TRABD2B: variants seen among roughly 807,000 people sequenced by gnomAD.
TRABD2B encodes metalloprotease TIKI2.
In TRABD2B, 14 loss-of-function variants were observed where a neutral mutation model predicts 40.1. That is an observed-to-expected ratio of 0.35 (90% confidence interval 0.23 to 0.55). The LOEUF (loss-of-function observed/expected upper bound fraction) is 0.55, where lower values mean the gene tolerates loss of function less well. TRABD2B is among the 20% of genes least tolerant of loss of function. The pLI is 0.90. For missense variants in TRABD2B, 541 were observed against 648.6 expected (o/e 0.83, Z 1.80); for synonymous variants, 263 against 277.0 (o/e 0.95, Z 0.50).
In TRABD2B at chr1:47,971,747, C is replaced by T. The variant is rs113030619; in HGVS notation, c.666+22287G>A. ...ACAGCCTCAAACAATGAGGTTTCCA[C>T]CAAAGACTTCCCATTCACCCAGAAA... On this transcript the variant is annotated intron_variant, in intron 2 of 6. Coordinates refer to ENST00000606738, the MANE Select transcript of TRABD2B (RefSeq NM_001194986.2). Among the ~76,000 whole-genome samples the T allele has an allele frequency of 8.4e-3, 1,273 of 152,302 alleles. 31 individuals carry two copies. Among genetic ancestry groups the T allele is most frequent in the African/African-American group, 0.03 (1,231 of 41,544 alleles).
intron 4 of TRABD2B, among the ~76,000 whole-genome samples, chr1:47,786,907 A>AT (rs1328174668): frequency 1.3e-5 from 2 of 151,922 alleles, no homozygotes; most frequent in Non-Finnish European, 2.9e-5. Flanking sequence ...GTCTTGGGAT[A>AT]TTGCCCAGGC....
At chr1:47,788,176 A>G (rs1426772737) in intron 4 of TRABD2B, among the ~76,000 whole-genome samples, 1 of 152,138 alleles carries the variant, frequency 6.6e-6, no homozygotes, top group African/African-American at 2.4e-5. Context: ...ATATAAGTTG[A>G]TGGATATGGG....
At chr1:47,912,712 C>T (rs539808366) in intron 2 of TRABD2B, among the ~76,000 whole-genome samples, 5 of 152,282 alleles carry the variant, frequency 3.3e-5, no homozygotes, top group African/African-American at 4.8e-5. Context: ...GGCTTCGTCT[C>T]GGTCACCTCA....
At chr1:47,911,536 CGTCTGTCA>C (rs1644762789) in intron 2 of TRABD2B, among the ~76,000 whole-genome samples, 1 of 152,230 alleles carries the variant, frequency 6.6e-6, no homozygotes, top group South Asian at 2.1e-4. Flanking sequence ...GCTAATGCAT[CGTCTGTCA>C]GTTCTGTAAG....
chr1:47,984,908 G>A (rs147724539), intron 2 of TRABD2B, among the ~76,000 whole-genome samples: 1 of 152,110 alleles, frequency 6.6e-6, no homozygotes, highest in East Asian at 1.9e-4. Flanking sequence ...CGTTCTTCTC[G>A]CTCACTACGT....
intron 2 of TRABD2B, among the ~76,000 whole-genome samples, chr1:47,899,088 G>A (rs1424626138): frequency 6.6e-6 from 1 of 152,204 alleles, no homozygotes; most frequent in African/African-American, 2.4e-5. Context: ...CCCTGGCCTG[G>A]GCCCATAAGG....
intron 2 of TRABD2B, among the ~76,000 whole-genome samples, chr1:47,949,561 C>A (rs1557674912): frequency 6.6e-6 from 1 of 151,856 alleles, no homozygotes; most frequent in Non-Finnish European, 1.5e-5. Context: ...GTGCGTGCCA[C>A]CATGGCCAGC....
Position 47,764,794 on chromosome 1 carries a change from G to C in TRABD2B, c.*1108C>G, listed in dbSNP as rs935516648. The C allele has an allele frequency of 2.0e-5, 3 of 152,356 alleles. No individual in the cohort carries two copies. The highest frequency in any genetic ancestry group is 7.2e-5 in the African/African-American group (3 of 41,558). The allele number at this position is 152,356 out of a possible 1,614,324, so 9.4% of individuals were successfully genotyped here. ...ATTGTTTTGCATCACACTGATCTGG[G>C]GCCACATCCTGGCTGGGGGATCTTC... On this transcript the variant is annotated 3_prime_UTR_variant, in exon 7 of 7. Coordinates refer to ENST00000606738, the MANE Select transcript of TRABD2B (RefSeq NM_001194986.2).
intron 2 of TRABD2B, among the ~76,000 whole-genome samples, chr1:47,873,143 A>C (rs1339278291): frequency 6.6e-6 from 1 of 152,082 alleles, no homozygotes; most frequent in Non-Finnish European, 1.5e-5. Flanking sequence ...AACAGCATTA[A>C]TCCTATCGTG....
At chr1:47,817,821 C>T (rs1249454621) in intron 2 of TRABD2B, among the ~76,000 whole-genome samples, 1 of 152,214 alleles carries the variant, frequency 6.6e-6, no homozygotes, top group African/African-American at 2.4e-5. Context: ...CTGTCCAGAG[C>T]CGCTCTCAGG....
intron 2 of TRABD2B, among the ~76,000 whole-genome samples, chr1:47,814,590 C>A (rs368395950): frequency 1.3e-5 from 2 of 152,302 alleles, no homozygotes; most frequent in East Asian, 3.9e-4. Context: ...CCCATTACTG[C>A]CCCCGCTCTC....
rs1644244124 is a variant in TRABD2B, at chr1:47,761,542, T to G, written c.*4360A>C. On this transcript the variant is annotated 3_prime_UTR_variant, in exon 7 of 7. Coordinates refer to ENST00000606738, the MANE Select transcript of TRABD2B (RefSeq NM_001194986.2). ...GGACTTATTCCTGAACCTTACTGGTTTAGACAGCCAGCGGGGTGATTTTTT... is the reference window on the plus strand; with the variant it reads ...GGACTTATTCCTGAACCTTACTGGTGTAGACAGCCAGCGGGGTGATTTTTT... The G allele has an allele frequency of 1.3e-5, 2 of 152,194 alleles. No individual in the cohort carries two copies. The highest frequency in any genetic ancestry group is 4.1e-4 in the South Asian group (2 of 4,824). 9.4% of individuals were successfully genotyped at this position (152,194 alleles called of 1,614,324 possible). A position where few individuals can be genotyped will look rare whatever the true frequency, so the allele number is the denominator to read the frequency against.
chr1:47,905,304 G>A (rs915061779), intron 2 of TRABD2B, among the ~76,000 whole-genome samples: 3 of 152,222 alleles, frequency 2.0e-5, no homozygotes, highest in Non-Finnish European at 4.4e-5. Context: ...CTACTATGGC[G>A]TGAGGAGCAA....
intron 2 of TRABD2B, among the ~76,000 whole-genome samples, chr1:47,854,926 T>G (rs1274891040): frequency 6.6e-6 from 1 of 152,166 alleles, no homozygotes; most frequent in African/African-American, 2.4e-5. Flanking sequence ...AGTGAATAGC[T>G]GTGTGATGTA....
chr1:47,786,715 G>T (rs1163649394), intron 4 of TRABD2B, among the ~76,000 whole-genome samples: 2 of 150,846 alleles, frequency 1.3e-5, no homozygotes, highest in African/African-American at 4.9e-5. Flanking sequence ...CATTTGTTTT[G>T]TTTTTTTTTA....
At chr1:47,940,807 C>T (rs1032397040) in intron 2 of TRABD2B, among the ~76,000 whole-genome samples, 1 of 152,238 alleles carries the variant, frequency 6.6e-6, no homozygotes, top group Non-Finnish European at 1.5e-5. Flanking sequence ...GAAATAAAGG[C>T]AGCAGTGTGG....
At chr1:47,916,607 C>T (rs556796256) in intron 2 of TRABD2B, among the ~76,000 whole-genome samples, 15 of 152,292 alleles carry the variant, frequency 9.8e-5, no homozygotes, top group East Asian at 5.8e-4. Context: ...CAGAGGGTGA[C>T]GAAATGGAAG....
intron 2 of TRABD2B, among the ~76,000 whole-genome samples, chr1:47,863,746 G>A (rs1387810745): frequency 6.6e-6 from 1 of 152,016 alleles, no homozygotes; most frequent in Non-Finnish European, 1.5e-5. Context: ...ATACTCCTTG[G>A]TACTTACCCA....
chr1:47,855,982 GA>G (rs956234056), intron 2 of TRABD2B, among the ~76,000 whole-genome samples: 2 of 152,358 alleles, frequency 1.3e-5, no homozygotes, highest in Non-Finnish European at 2.9e-5. Flanking sequence ...GCTTGCAGAT[GA>G]AAAATGCCCC....
Sources: gnomAD v4.1 joint callset for allele counts (sites outside exome capture counted in the v4.1 genomes callset) on GRCh38, gnomAD v4.1.1 for gene constraint, MANE v1.5 for transcripts, NCBI Gene and HGNC (gene_info 2026-07-23, HGNC 2026-07-21) for gene names.